Variants in ABCC4 observed in about 807,000 individuals in gnomAD.
The protein encoded by ABCC4 is ATP binding cassette subfamily C member 4 (PEL blood group), also known as ATP-binding cassette sub-family C member 4.
ABCC4 carries 102 observed loss-of-function variants against 168.5 expected under a neutral mutation model. That is an observed-to-expected ratio of 0.61 (90% CI 0.52 to 0.71). The LOEUF is 0.71. Ranked by LOEUF, ABCC4 falls within the 30% of genes least tolerant of loss-of-function variation. ABCC4 has a pLI of 0.00. For missense variants in ABCC4, 1,402 were observed against 1,605.8 expected, an observed-to-expected ratio of 0.87 and a Z score of 2.17; for synonymous variants, 617 against 590.7, an observed-to-expected ratio of 1.04 and a Z score of -0.65.
intron 30 of ABCC4, among the ~76,000 whole-genome samples, chr13:95,029,317 A>T (rs1256768227): frequency 2.0e-5 from 3 of 149,828 alleles, no homozygotes; most frequent in African/African-American, 4.9e-5. Context: ...AAAATGAGGT[A>T]ACTATATGTA....
At chr13:95,147,218 T>TA (rs1390776542) in intron 19 of ABCC4, among the ~76,000 whole-genome samples, 3 of 152,214 alleles carry the variant, frequency 2.0e-5, no homozygotes, top group Non-Finnish European at 4.4e-5. Flanking sequence ...ATTCTATTTT[T>TA]TATATATCAC....
chr13:95,286,123 C>CTTTCTTTTTTTTTT (rs2041249737), intron 1 of ABCC4, among the ~76,000 whole-genome samples: 1 of 105,522 alleles, frequency 9.5e-6, no homozygotes. Context: ...TCCAGAAAAA[C>CTTTCTTTTTTTTTT]TTTTTTTTTT....
intron 1 of ABCC4, among the ~76,000 whole-genome samples, chr13:95,286,451 G>T (rs907461924): frequency 2.0e-5 from 3 of 151,980 alleles, no homozygotes; most frequent in Non-Finnish European, 2.9e-5. Flanking sequence ...TAATAATAAC[G>T]CACCTTATTA....
At chr13:95,138,637 A>G (rs2036214029) in intron 19 of ABCC4, among the ~76,000 whole-genome samples, 1 of 152,178 alleles carries the variant, frequency 6.6e-6, no homozygotes. Flanking sequence ...CAGCCTGGGA[A>G]AAATCGTGAG....
Position 95,209,564 on chromosome 13 carries a change from G to A in ABCC4, c.655C>T (p.Pro219Ser). 2 of 1,613,892 alleles carry A rather than the reference G, an allele frequency of 1.2e-6. No homozygotes were observed. Among genetic ancestry groups the A allele is most frequent in the South Asian group, 2.2e-5 (2 of 91,012 alleles). ...TVFLHFLWAG[P>S]LQAIAVTALL... ...GCAGTCACTGCAATCGCCTGCAGTG[G>A]TCCTGCCCACAGGAAGTGTAAGAAC... The change falls in exon 6 of 31, where the codon CCA becomes TCA. Residue 219 changes from proline (P) to serine (S), a missense_variant. Pro to Ser is a moderately conservative substitution (Grantham distance 74, BLOSUM62 -1). Coordinates refer to ENST00000645237, the MANE Select transcript of ABCC4 (RefSeq NM_005845.5).
At chr13:95,164,318 G>A in intron 16 of ABCC4, 60 bp downstream of exon 16, 1 of 1,590,116 alleles carries the variant, frequency 6.3e-7, no homozygotes, top group Non-Finnish European at 8.6e-7. Flanking sequence ...AGTCATAATA[G>A]CATAAACATA....
intron 1 of ABCC4, among the ~76,000 whole-genome samples, chr13:95,252,714 G>GA (rs1307641806): frequency 1.3e-5 from 2 of 151,904 alleles, no homozygotes; most frequent in Admixed American, 6.6e-5. Context: ...GTGTAAGTAG[G>GA]AAAAAAAATC....
chr13:95,204,802 G>A (rs1048724673), intron 8 of ABCC4, among the ~76,000 whole-genome samples: 7 of 152,216 alleles, frequency 4.6e-5, no homozygotes, highest in African/African-American at 1.4e-4. Context: ...TTCATTCTCT[G>A]TAAAGTGGGG....
At chr13:95,060,133 G>A (rs1337078123) in intron 26 of ABCC4, among the ~76,000 whole-genome samples, 1 of 152,190 alleles carries the variant, frequency 6.6e-6, no homozygotes, top group African/African-American at 2.4e-5. Flanking sequence ...CCAACATTGA[G>A]CCTTGGAGAC....
intron 6 of ABCC4, 74 bp downstream of exon 6, chr13:95,209,360 T>C: frequency 6.6e-7 from 1 of 1,513,240 alleles, no homozygotes. Flanking sequence ...AGTTTGTTTC[T>C]GAACAAAAGC....
At chr13:95,216,491 A>G (rs2039111730) in intron 4 of ABCC4, among the ~76,000 whole-genome samples, 1 of 152,098 alleles carries the variant, frequency 6.6e-6, no homozygotes, top group Admixed American at 6.5e-5. Flanking sequence ...AACCTGTAGT[A>G]CACATCCCAG....
rs367782964 is a variant in ABCC4 at position 95,163,322 on chromosome 13, A to T, written c.2214-106T>A. 13 of 780,058 alleles carry T rather than the reference A, an allele frequency of 1.7e-5. No individual in the cohort carries two copies. In the African/African-American group the frequency reaches 2.1e-4, roughly 13 times the overall value. 48.3% of individuals were successfully genotyped at this position (780,058 alleles called of 1,614,324 possible). ...TTGGGAGAAACGCTTCATGCTGGAA[A>T]ATGATTCTCAGCTCACTTAGTCTTG... is the stretch of plus-strand genomic sequence containing the variant. On this transcript the variant is annotated intron_variant, in intron 17 of 30. Transcript: ENST00000645237.
chr13:95,294,705 C>G (rs34244548), intron 1 of ABCC4, among the ~76,000 whole-genome samples: 1,882 of 152,284 alleles, frequency 0.012, 20 homozygotes, highest in Non-Finnish European at 0.021. Flanking sequence ...GTAATCCCAG[C>G]ACTTTGGGAG....
intron 19 of ABCC4, among the ~76,000 whole-genome samples, chr13:95,124,391 G>A (rs1301423767): frequency 6.6e-6 from 1 of 151,894 alleles, no homozygotes; most frequent in Non-Finnish European, 1.5e-5. Flanking sequence ...ACTCATGATT[G>A]GAGATGTCAT....
At chr13:95,261,285 C>T (rs1038874671) in intron 1 of ABCC4, among the ~76,000 whole-genome samples, 1 of 151,978 alleles carries the variant, frequency 6.6e-6, no homozygotes, top group East Asian at 1.9e-4. Flanking sequence ...CCCGTCTCTA[C>T]TAAAAATACA....
rs182796248 is a variant in ABCC4, at chr13:95,112,451, G to A, written c.2535+3471C>T. On this transcript the variant is annotated intron_variant, in intron 20 of 30. Transcript: ENST00000645237. ...TCAGCTTTAGTAAGAATAACAACTC[G>A]ACAGTCTTAGTCTGAATGTTCTGGT... Among the ~76,000 whole-genome samples, 226 of 151,988 alleles carry A rather than the reference G, an allele frequency of 1.5e-3. 1 individual carries two copies. Among genetic ancestry groups the A allele is most frequent in the African/African-American group, 5.2e-3 (214 of 41,434 alleles).
At chr13:95,137,285 T>C (rs1454348748) in intron 19 of ABCC4, among the ~76,000 whole-genome samples, 1 of 152,210 alleles carries the variant, frequency 6.6e-6, no homozygotes, top group Non-Finnish European at 1.5e-5. Context: ...GAGACTTTCT[T>C]ACTCAGAGCA....
chr13:95,071,669 T>C lies in ABCC4; in HGVS notation c.3203A>G (p.Gln1068Arg), dbSNP rs2033727819. 5.6e-6 allele frequency: 8 copies of C among 1,436,010 alleles called. No homozygotes were observed. Among genetic ancestry groups the C allele is most frequent in the Non-Finnish European group, 7.3e-6 (8 of 1,089,918 alleles). The allele number at this position is 1,436,010 out of a possible 1,614,324, so 89.0% of individuals were successfully genotyped here. The change falls in exon 25 of 31, where the codon CAA becomes CGA. Residue 1068 changes from glutamine to arginine, a missense_variant. Gln to Arg is a conservative substitution (Grantham distance 43). Around this residue, in one of 3 missense-constraint regions of ABCC4, gnomAD observed 1,007 missense variants for 1,127.3 expected, o/e 0.89. Coordinates refer to ENST00000645237, the MANE Select transcript of ABCC4 (RefSeq NM_005845.5). The stretch of plus-strand genomic sequence containing the variant: ...AAGATGCTTTAAACAAACCTTTTCT[T>C]GTGATTTAATGAGTGCTGTCAGATG... ...LKHLTALIKS[Q>R]EKVGIVGRTG...
chr13:95,164,672 C>T (rs557386998), intron 15 of ABCC4, among the ~76,000 whole-genome samples, 154 bp from the exon 16 acceptor site: 4 of 152,090 alleles, frequency 2.6e-5, no homozygotes, highest in Non-Finnish European at 5.9e-5. Context: ...GCTAGCCAAA[C>T]TATACATCCA....
Sources: gnomAD v4.1 joint callset for allele counts (sites outside exome capture counted in the v4.1 genomes callset) on GRCh38, gnomAD v4.1.1 for gene constraint, gnomAD v4.1.1 regional missense constraint, MANE v1.5 for transcripts, NCBI Gene and HGNC (gene_info 2026-07-23, HGNC 2026-07-21) for gene names.